GRM8: variants seen among roughly 807,000 people sequenced by gnomAD.
GRM8 encodes the protein glutamate metabotropic receptor 8.
Under a neutral mutation model 87.2 loss-of-function variants are expected in GRM8, and 47 were observed. The observed-to-expected ratio is 0.54, with a 90% confidence interval of 0.43 to 0.69. GRM8 has a LOEUF of 0.69. Among genes scored for constraint, GRM8 ranks in the 30% least tolerant of loss-of-function variants. GRM8 has a pLI of 0.00. For synonymous variants in GRM8, 396 were observed against 404.5 expected (o/e 0.98, Z 0.25); for missense variants, 1,019 against 1,139.2 (o/e 0.89, Z 1.52).
At chr7:126,788,409 C>CAAAAAAAAAAAAAAAAAAAAAAAACAAAA (rs67131936) in intron 6 of GRM8, among the ~76,000 whole-genome samples, 1 of 10,798 alleles carries the variant, frequency 9.3e-5, no homozygotes, top group African/African-American at 2.8e-4. Context: ...GACTCCATCT[C>CAAAAAAAAAAAAAAAAAAAAAAAACAAAA]AAAAAAAAAA....
intron 9 of GRM8, among the ~76,000 whole-genome samples, chr7:126,455,695 G>A (rs1307671098): frequency 6.6e-6 from 1 of 151,632 alleles, no homozygotes; most frequent in South Asian, 2.1e-4. Flanking sequence ...GGTTGGAGCA[G>A]AAAAGTCTCT....
chr7:127,091,205 C>T (rs1824030203), intron 3 of GRM8, among the ~76,000 whole-genome samples: 1 of 152,086 alleles, frequency 6.6e-6, no homozygotes, highest in Admixed American at 6.5e-5. Context: ...GCACTAAACA[C>T]TGGAATGTGG....
At chr7:126,729,500 A>AAT (rs958763892) in intron 7 of GRM8, among the ~76,000 whole-genome samples, 34 of 152,282 alleles carry the variant, frequency 2.2e-4, no homozygotes, top group Admixed American at 3.9e-4. Context: ...TATGCCGTGT[A>AAT]ATATATTTCT....
At chr7:126,749,926 T>C (rs1020030776) in intron 7 of GRM8, among the ~76,000 whole-genome samples, 1 of 152,164 alleles carries the variant, frequency 6.6e-6, no homozygotes, top group Admixed American at 6.6e-5. Context: ...AGAAAACAGT[T>C]TGTCAGTCTC....
chr7:126,490,444 A>C (rs1807875362), intron 9 of GRM8, among the ~76,000 whole-genome samples: 1 of 152,084 alleles, frequency 6.6e-6, no homozygotes, highest in South Asian at 2.1e-4. Flanking sequence ...GGCAATCAAT[A>C]ATCACAGCAT....
chr7:126,522,573 A>T (rs1394745631), intron 9 of GRM8, among the ~76,000 whole-genome samples: 1 of 152,188 alleles, frequency 6.6e-6, no homozygotes, highest in African/African-American at 2.4e-5. Context: ...GTTATTAACA[A>T]GGAAAAAAGG....
chr7:126,959,647 C>T (rs967602646), intron 3 of GRM8, among the ~76,000 whole-genome samples: 43 of 152,160 alleles, frequency 2.8e-4, no homozygotes, highest in Non-Finnish European at 5.0e-4. Flanking sequence ...AATTTGCTTA[C>T]CAATTATTAC....
At chr7:126,939,340 A>T (rs1201733055) in intron 3 of GRM8, among the ~76,000 whole-genome samples, 1 of 152,212 alleles carries the variant, frequency 6.6e-6, no homozygotes, top group Non-Finnish European at 1.5e-5. Flanking sequence ...GTCCACCTAA[A>T]TAAGAACACC....
At chr7:127,000,829 T>C (rs1813656520) in intron 3 of GRM8, among the ~76,000 whole-genome samples, 1 of 151,680 alleles carries the variant, frequency 6.6e-6, no homozygotes, top group South Asian at 2.1e-4. Flanking sequence ...AATTGAATAC[T>C]TAAAGATGGT....
rs1015005260 is a variant in GRM8 at position 126,690,921 on chromosome 7, A to C, written c.1357+78944T>G. On this transcript the variant is annotated intron_variant, in intron 7 of 10. Transcript: ENST00000339582. ...TGAATCCAGGGTTTTTATGGGCTTC[A>C]GAGGGGAGGTAGTGAATGCTGATTG... Among the ~76,000 whole-genome samples, 6 of 152,080 alleles carry C rather than the reference A, an allele frequency of 3.9e-5. No individual in the cohort carries two copies. In the East Asian group the frequency reaches 1.2e-3, roughly 29 times the overall value.
chr7:127,028,705 T>A (rs539249149), intron 3 of GRM8, among the ~76,000 whole-genome samples: 5 of 152,286 alleles, frequency 3.3e-5, no homozygotes, highest in African/African-American at 1.2e-4. Flanking sequence ...TTTTATTGCA[T>A]CTATTTGATC....
chr7:127,108,441 G>C (rs555967185), intron 2 of GRM8, among the ~76,000 whole-genome samples: 10 of 152,264 alleles, frequency 6.6e-5, no homozygotes, highest in African/African-American at 2.4e-4. Context: ...TGTGCGAGTA[G>C]GGGTTGTGTG....
chr7:126,553,360 G>A (rs1792793206), intron 8 of GRM8, among the ~76,000 whole-genome samples: 1 of 152,080 alleles, frequency 6.6e-6, no homozygotes. Flanking sequence ...TACATTTCAT[G>A]TGACATATTC....
intron 7 of GRM8, among the ~76,000 whole-genome samples, chr7:126,679,714 T>C (rs1381980315): frequency 6.6e-6 from 1 of 152,274 alleles, no homozygotes; most frequent in East Asian, 1.9e-4. Context: ...GGGCTATTTT[T>C]CTCAGAGGGT....
chr7:126,556,628 CAG>C (rs1228165304), intron 8 of GRM8, among the ~76,000 whole-genome samples: 2 of 152,104 alleles, frequency 1.3e-5, no homozygotes, highest in Non-Finnish European at 2.9e-5. Flanking sequence ...GCCTGGGTGA[CAG>C]AGCAAGACTC....
intron 8 of GRM8, among the ~76,000 whole-genome samples, chr7:126,561,707 T>C (rs1347848729): frequency 6.6e-6 from 1 of 151,696 alleles, no homozygotes; most frequent in Non-Finnish European, 1.5e-5. Flanking sequence ...ACATGTGCCA[T>C]GTTGGTGTGC....
At chr7:127,149,091 A>G (rs1013100715) in intron 2 of GRM8, among the ~76,000 whole-genome samples, 18 of 152,068 alleles carry the variant, frequency 1.2e-4, no homozygotes, top group African/African-American at 4.3e-4. Context: ...CATCAAACTA[A>G]AAAGCTTCTG....
intron 3 of GRM8, chr7:127,091,028 G>C (rs1429227202): frequency 6.6e-6 from 1 of 152,210 alleles, no homozygotes; most frequent in Admixed American, 6.5e-5. Flanking sequence ...AGAAAAAGAA[G>C]GGAATAATTT....
rs1798386899 is a variant in GRM8 at position 127,242,860 on chromosome 7, C to T, written c.345G>A (p.Gln115=). ...TTAATGCCTGCACGAATGTTAGAGACTGCTCCAAAGCATAGGTGTCCCTAG... is the reference window on the plus strand; with the variant it reads ...TTAATGCCTGCACGAATGTTAGAGATTGCTCCAAAGCATAGGTGTCCCTAG... ...TCSRDTYALE[Q]SLTFVQALIE... The change falls in exon 2 of 11, where the codon CAG becomes CAA. Residue 115 remains glutamine, a synonymous_variant. Coordinates refer to ENST00000339582, the MANE Select transcript of GRM8 (RefSeq NM_000845.3). 6.2e-7 allele frequency: 1 copy of T among 1,614,118 alleles called. No homozygotes were observed.
Sources: allele counts gnomAD v4.1 joint callset (sites outside exome capture counted in the v4.1 genomes callset), GRCh38; gene constraint gnomAD v4.1.1; transcripts MANE v1.5; gene names NCBI Gene and HGNC (gene_info 2026-07-23, HGNC 2026-07-21).